Variants in STAP1 observed in about 807,000 individuals in gnomAD.
STAP1 encodes signal transducing adaptor family member 1.
Under a neutral mutation model 37.8 loss-of-function variants are expected in STAP1, and 30 were observed. The observed-to-expected ratio is 0.79, with a 90% CI of 0.59 to 1.08. The LOEUF is 1.08. STAP1 is among the 50% of genes least tolerant of loss of function. The pLI is 0.00. For synonymous variants in STAP1, 130 were observed against 116.0 expected (o/e 1.12, Z -0.78); for missense variants, 357 against 349.4 (o/e 1.02, Z -0.17).
chr4:67,602,409 T>C (rs1220159153), intron 8 of STAP1, among the ~76,000 whole-genome samples: 1 of 152,208 alleles, frequency 6.6e-6, no homozygotes. Context: ...TTATGTTTGT[T>C]GATGTCTGGG....
intron 8 of STAP1, among the ~76,000 whole-genome samples, chr4:67,595,401 A>G (rs867216488): frequency 3.7e-5 from 5 of 134,346 alleles, no homozygotes; most frequent in East Asian, 4.2e-4. Context: ...AAAAAAAAAA[A>G]TGCTGGGTAT....
chr4:67,595,088 C>G (rs1577767199), intron 8 of STAP1, among the ~76,000 whole-genome samples: 2 of 152,142 alleles, frequency 1.3e-5, no homozygotes, highest in East Asian at 3.9e-4. Context: ...CTCTGCCTAA[C>G]CTAAAATCAC....
intron 4 of STAP1, 55 bp downstream of exon 4, chr4:67,577,314 T>C: frequency 1.3e-6 from 2 of 1,498,970 alleles, no homozygotes; most frequent in Non-Finnish European, 1.8e-6. Context: ...AAATATCTGC[T>C]GAACACCCTA....
At chr4:67,576,374 T>A (rs1727719758) in intron 3 of STAP1, among the ~76,000 whole-genome samples, 1 of 152,202 alleles carries the variant, frequency 6.6e-6, no homozygotes, top group South Asian at 2.1e-4. Context: ...GGTTTTTTTT[T>A]CGTTCCCTAA....
chr4:67,593,525 G>A (rs947441805), intron 8 of STAP1, among the ~76,000 whole-genome samples, 169 bp downstream of exon 8: 3 of 152,186 alleles, frequency 2.0e-5, no homozygotes, highest in Non-Finnish European at 4.4e-5. Context: ...AAATAGGAAA[G>A]TACCAATATG....
rs1280525706 is a variant in STAP1, at chr4:67,590,887, T to G, written c.663T>G (p.Ile221Met). The change falls in exon 7 of 9, where the codon ATT becomes ATG. Residue 221 changes from isoleucine to methionine, a missense_variant. Coordinates refer to ENST00000265404, the MANE Select transcript of STAP1 (RefSeq NM_012108.4). ...CTAACCATTTGTTTCATTGTAGCAT[T>G]CCAAGAATCAAGCACTACAAAGTGA... ...YSITIRQEID[I>M]PRIKHYKVMS... The G allele has an allele frequency of 6.2e-7, 1 of 1,609,816 alleles. No homozygotes were observed.
intron 8 of STAP1, among the ~76,000 whole-genome samples, chr4:67,597,908 G>A (rs531180751): frequency 6.6e-6 from 1 of 152,288 alleles, no homozygotes; most frequent in African/African-American, 2.4e-5. Context: ...TGCTCTTGGA[G>A]TTTTGGGTTA....
intron 1 of STAP1, among the ~76,000 whole-genome samples, chr4:67,567,471 T>C (rs1206544410): frequency 6.6e-6 from 1 of 152,240 alleles, no homozygotes; most frequent in East Asian, 1.9e-4. Context: ...CACTACCAAT[T>C]TGTTCAAGTC....
chr4:67,577,083 G>C lies in STAP1; in HGVS notation c.307-120G>C, dbSNP rs1260517042. The stretch of plus-strand genomic sequence containing the variant: ...ATTTCATAAAAAATACACATTAGTA[G>C]TTCTAAGCCAAAAAAAGAAAATGAA... On this transcript the variant is annotated intron_variant, in intron 3 of 8. Transcript: ENST00000265404. 6 of 829,830 alleles carry C rather than the reference G, an allele frequency of 7.2e-6. No individual in the cohort carries two copies. The East Asian group carries it at 1.6e-4, about 23-fold the overall frequency. 51.4% of individuals were successfully genotyped at this position (829,830 alleles called of 1,614,324 possible).
At position 67,578,237 on chromosome 4, in the gene STAP1, C is replaced by A. The variant is rs191110736; in HGVS notation, c.363+978C>A. ...GCAATTGCCTTGGAAACATGACGTT[C>A]TTTGATAACCAGCCTCCCAAGGAGC... On this transcript the variant is annotated intron_variant, in intron 4 of 8. Transcript: ENST00000265404. Among the ~76,000 whole-genome samples the A allele has an allele frequency of 2.3e-3, 345 of 152,286 alleles. 1 individual carries two copies. Among genetic ancestry groups the A allele is most frequent in the Admixed American group, 3.6e-3 (55 of 15,298 alleles).
chr4:67,584,098 G>GAAAAAAAAA (rs60099631), intron 6 of STAP1, among the ~76,000 whole-genome samples: 2 of 94,422 alleles, frequency 2.1e-5, no homozygotes, highest in African/African-American at 7.9e-5. Flanking sequence ...ACTCGGTCTC[G>GAAAAAAAAA]AAAAAAAAAA....
chr4:67,585,250 A>T (rs1359076446), intron 6 of STAP1, among the ~76,000 whole-genome samples: 1 of 152,230 alleles, frequency 6.6e-6, no homozygotes, highest in East Asian at 1.9e-4. Flanking sequence ...TAAATTTTAT[A>T]CTATAACATA....
intron 3 of STAP1, 65 bp downstream of exon 3, chr4:67,575,563 T>C: frequency 8.5e-7 from 1 of 1,171,426 alleles, no homozygotes; most frequent in Admixed American, 2.2e-5. Context: ...TCACATCCAG[T>C]GGCTGAAGTA....
chr4:67,561,426 C>A (rs1727334829), intron 1 of STAP1, among the ~76,000 whole-genome samples: 1 of 152,114 alleles, frequency 6.6e-6, no homozygotes, highest in Non-Finnish European at 1.5e-5. Context: ...TGAAGAGTAA[C>A]CTGGTCTATA....
chr4:67,588,950 C>T (rs972444330), intron 6 of STAP1, among the ~76,000 whole-genome samples: 2 of 152,116 alleles, frequency 1.3e-5, no homozygotes, highest in Admixed American at 6.5e-5. Flanking sequence ...ATGTGCCAGA[C>T]ACTGTACTAA....
chr4:67,569,837 C>G (rs1215226294), intron 1 of STAP1, among the ~76,000 whole-genome samples: 1 of 152,140 alleles, frequency 6.6e-6, no homozygotes, highest in African/African-American at 2.4e-5. Context: ...TCAGGTGATT[C>G]TTCTGCTACA....
At chr4:67,570,510 A>ATGAT (rs1258188375) in intron 1 of STAP1, among the ~76,000 whole-genome samples, 2 of 152,184 alleles carry the variant, frequency 1.3e-5, no homozygotes, top group African/African-American at 4.8e-5. Context: ...AAACTTGAGA[A>ATGAT]TGATTTAATC....
chr4:67,581,216 C>A (rs2109864663), intron 4 of STAP1, 89 bp from the exon 5 acceptor site: 2 of 1,243,512 alleles, frequency 1.6e-6, no homozygotes, highest in East Asian at 2.4e-5. Flanking sequence ...GTAACTGTAG[C>A]CCTATAGGAC....
At chr4:67,603,613 G>C (rs1463852586) in intron 8 of STAP1, among the ~76,000 whole-genome samples, 5 of 152,044 alleles carry the variant, frequency 3.3e-5, no homozygotes, top group Non-Finnish European at 7.4e-5. Context: ...TGCCAGGACT[G>C]AGTCCTTCCC....
Sources: allele counts gnomAD v4.1 joint callset (sites outside exome capture counted in the v4.1 genomes callset), GRCh38; gene constraint gnomAD v4.1.1; transcripts MANE v1.5; gene names NCBI Gene and HGNC (gene_info 2026-07-23, HGNC 2026-07-21).